The following NT5C1B variants were observed in gnomAD, a reference collection of about 807,000 sequenced individuals.
NT5C1B encodes the protein 5'-nucleotidase, cytosolic IB.
In NT5C1B, 44 loss-of-function variants were observed where a neutral mutation model predicts 57.8. The ratio of observed to expected loss-of-function variants is 0.76; its 90% confidence interval spans 0.60 to 0.98. The LOEUF is 0.98. Ranked by LOEUF, NT5C1B falls within the 50% of genes least tolerant of loss-of-function variation. The pLI is 0.00. For synonymous variants in NT5C1B, 284 were observed against 282.6 expected (o/e 1.00, Z -0.05); for missense variants, 742 against 719.5 (o/e 1.03, Z -0.36).
chr2:18,579,794 A>C (rs1478868923), intron 6 of NT5C1B, among the ~76,000 whole-genome samples: 3 of 152,242 alleles, frequency 2.0e-5, no homozygotes, highest in Admixed American at 6.5e-5. Context: ...ATGGGAGCTA[A>C]TTAAACTAAA....
chr2:18,576,083 C>T (rs1665641370), intron 8 of NT5C1B, 101 bp downstream of exon 8: 2 of 1,285,426 alleles, frequency 1.6e-6, no homozygotes, highest in Middle Eastern at 2.8e-4. Context: ...AGTGCCCTGC[C>T]TAGAATAACT....
chr2:18,584,773 G>C lies in NT5C1B; in HGVS notation c.464C>G (p.Ala155Gly). Residue 155 changes from alanine (A) to glycine (G), a missense_variant, in exon 4 of 9, where the codon GCC (alanine) becomes GGC (glycine). Coordinates refer to ENST00000304081, the Ensembl canonical transcript of NT5C1B. This position sits in a 1 kb window ranked among gnomAD's most constrained non-coding sequence, Gnocchi z 5.8. Reference sequence around the variant, plus strand: ...TTCCCGCACGATGCCTTGGGCCCAGGCCTCCGGATTCTCTTGCATTTTGGT... The same window carrying C: ...TTCCCGCACGATGCCTTGGGCCCAGCCCTCCGGATTCTCTTGCATTTTGGT... 1 of 1,613,596 alleles carries C rather than the reference G, an allele frequency of 6.2e-7. No homozygotes were observed. The highest frequency in any genetic ancestry group is 1.1e-5 in the South Asian group (1 of 91,062).
At chr2:18,578,072 G>GA (rs1449076125) in intron 6 of NT5C1B, among the ~76,000 whole-genome samples, 1 of 152,084 alleles carries the variant, frequency 6.6e-6, no homozygotes, top group African/African-American at 2.4e-5. Flanking sequence ...ATTGAACCAG[G>GA]AAGAAACTGA....
chr2:18,563,746 G>A (rs1375643830), exon 9 of NT5C1B: 6 of 1,443,700 alleles, frequency 4.2e-6, no homozygotes, highest in Non-Finnish European at 5.5e-6. Flanking sequence ...GCCAAAAGAA[G>A]TGGCTTCTGT....
chr2:18,580,407 A>G (rs1177702526), intron 6 of NT5C1B, among the ~76,000 whole-genome samples: 1 of 152,208 alleles, frequency 6.6e-6, no homozygotes, highest in African/African-American at 2.4e-5. Flanking sequence ...TGAGGTCGGG[A>G]GTTTGAGACT....
At chr2:18,567,918 A>G (rs1180018841) in intron 8 of NT5C1B, among the ~76,000 whole-genome samples, 1 of 152,202 alleles carries the variant, frequency 6.6e-6, no homozygotes, top group Non-Finnish European at 1.5e-5. Flanking sequence ...AAATGAAAAG[A>G]GTTGAATGGA....
intron 5 of NT5C1B, 144 bp downstream of exon 5, chr2:18,583,944 T>C (rs1666416138): frequency 2.1e-6 from 3 of 1,449,326 alleles, no homozygotes; most frequent in Non-Finnish European, 2.9e-6. Flanking sequence ...AATCATAAAC[T>C]GACCTGGGTC....
At chr2:18,563,535 A>G (rs1001343705) in exon 9 of NT5C1B, 4 of 322,292 alleles carry the variant, frequency 1.2e-5, no homozygotes, top group Non-Finnish European at 2.2e-5. Context: ...CAAGTTCTAA[A>G]CTTATCCTAA....
At chr2:18,571,453 AT>A (rs1427552983) in intron 8 of NT5C1B, among the ~76,000 whole-genome samples, 1 of 151,966 alleles carries the variant, frequency 6.6e-6, no homozygotes, top group African/African-American at 2.4e-5. Context: ...AAATAAAAAA[AT>A]GTAATATCTG....
chr2:18,579,030 C>T (rs1403907014), intron 6 of NT5C1B, among the ~76,000 whole-genome samples: 1 of 152,120 alleles, frequency 6.6e-6, no homozygotes, highest in Non-Finnish European at 1.5e-5. Context: ...AGAATGCAAT[C>T]CCATTTGCAA....
chr2:18,587,081 T>G (rs1666780374), intron 2 of NT5C1B: 1 of 1,613,832 alleles, frequency 6.2e-7, no homozygotes, highest in Non-Finnish European at 8.5e-7. Context: ...CAAGGGCTGT[T>G]CCCTCAGCTG....
Position 18,584,174 on chromosome 2 carries a change from G to C in NT5C1B, c.805C>G (p.Gln269Glu), listed in dbSNP as rs774288867. The C allele has an allele frequency of 1.2e-6, 2 of 1,614,148 alleles. No individual in the cohort carries two copies. Among genetic ancestry groups the C allele is most frequent in the Non-Finnish European group, 1.7e-6 (2 of 1,180,034 alleles). ...TCCATGTACTTTTCCAGACCCTCTT[G>C]CTCGTAGATTTTCCTGCCGTCCACC... The change falls in exon 5 of 9, where the codon CAA becomes GAA. Residue 269 changes from glutamine (Q) to glutamate (E), a missense_variant. Gln to Glu is a conservative substitution (Grantham distance 29). Transcript: ENST00000304081. The surrounding 1 kb of genome is among the most constrained non-coding windows in gnomAD (Gnocchi z 5.8).
chr2:18,583,816 G>T, intron 5 of NT5C1B: 1 of 639,546 alleles, frequency 1.6e-6, no homozygotes, highest in Non-Finnish European at 3.0e-6. Context: ...ACTCCTTCGA[G>T]GGAGAGAGGT....
chr2:18,573,019 T>C (rs567034867), intron 8 of NT5C1B, among the ~76,000 whole-genome samples: 1 of 152,292 alleles, frequency 6.6e-6, no homozygotes, highest in African/African-American at 2.4e-5. Flanking sequence ...AGTAGCTTCA[T>C]TTATAAATGT....
At chr2:18,575,610 C>T (rs980922929) in intron 8 of NT5C1B, among the ~76,000 whole-genome samples, 4 of 152,120 alleles carry the variant, frequency 2.6e-5, no homozygotes, top group South Asian at 2.1e-4. Context: ...TTGATTTTAA[C>T]ACTTCAGTTC....
chr2:18,576,761 T>A lies in NT5C1B; in HGVS notation c.1144+12A>T. The A allele has an allele frequency of 6.2e-7, 1 of 1,612,208 alleles. No individual in the cohort carries two copies. The highest frequency in any genetic ancestry group is 8.5e-7 in the Non-Finnish European group (1 of 1,179,414). On this transcript the variant is annotated intron_variant, in intron 7 of 8. Transcript: ENST00000304081. ...CTCTTTATTAACTAGAGGAATAAAA[T>A]CAGACTAATACCTTCTTGTATTGCC... is the stretch of plus-strand genomic sequence containing the variant.
intron 6 of NT5C1B, among the ~76,000 whole-genome samples, chr2:18,580,347 C>T (rs552913886): frequency 6.6e-6 from 1 of 152,314 alleles, no homozygotes; most frequent in South Asian, 2.1e-4. Flanking sequence ...GGCATGGTGG[C>T]TCACGCCTGT....
At chr2:18,563,011 A>G (rs1431896371) in exon 9 of NT5C1B, 3 of 152,200 alleles carry the variant, frequency 2.0e-5, no homozygotes, top group South Asian at 4.1e-4. Flanking sequence ...GAGAATGACA[A>G]TGAAGGGCCA....
intron 8 of NT5C1B, among the ~76,000 whole-genome samples, chr2:18,573,082 T>G (rs1346995663): frequency 6.6e-6 from 1 of 152,142 alleles, no homozygotes; most frequent in African/African-American, 2.4e-5. Context: ...AAAGAAAATG[T>G]GGTACATCCA....
Sources: allele counts gnomAD v4.1 joint callset (sites outside exome capture counted in the v4.1 genomes callset), GRCh38; gene constraint gnomAD v4.1.1; non-coding constraint Gnocchi (gnomAD v3.1); transcripts MANE v1.5; gene names NCBI Gene and HGNC (gene_info 2026-07-23, HGNC 2026-07-21).